Variants in KCND2 observed in about 807,000 individuals in gnomAD.
KCND2 encodes the protein potassium voltage-gated channel subfamily D member 2.
Under a neutral mutation model 54.4 loss-of-function variants are expected in KCND2, and 16 were observed. The ratio of observed to expected loss-of-function variants is 0.29; its 90% CI spans 0.20 to 0.45. KCND2 has a LOEUF of 0.45. Ranked by LOEUF, KCND2 falls within the 20% of genes least tolerant of loss-of-function variation. The pLI, the probability that KCND2 is intolerant of heterozygous loss-of-function variation, is 1.00. For synonymous variants in KCND2, 317 were observed against 310.7 expected (o/e 1.02, Z -0.21); for missense variants, 486 against 824.2 (o/e 0.59, Z 5.02).
At chr7:120,498,740 A>T (rs1802888768) in intron 1 of KCND2, among the ~76,000 whole-genome samples, 1 of 152,152 alleles carries the variant, frequency 6.6e-6, no homozygotes, top group African/African-American at 2.4e-5. Context: ...GTGCCACTGC[A>T]TTCCAGTCTG....
At chr7:120,455,147 C>T (rs1194339915) in intron 1 of KCND2, among the ~76,000 whole-genome samples, 1 of 151,846 alleles carries the variant, frequency 6.6e-6, no homozygotes, top group African/African-American at 2.4e-5. Context: ...TTTTATCAAA[C>T]TGTCAATTAC....
rs371605565 is a variant in KCND2, at chr7:120,722,072, A to T, written c.1116-10831A>T. On this transcript the variant is annotated intron_variant, in intron 1 of 5. Coordinates refer to ENST00000331113, the MANE Select transcript of KCND2 (RefSeq NM_012281.3). ...TCTTCTCCAGCCAGGTGGAACTGTG[A>T]GTCGATTAAATCTCCTTCCTTTATA... 2.0e-5 allele frequency among the ~76,000 whole-genome samples: 3 copies of T among 152,158 alleles called. No homozygotes were observed. The East Asian group carries it at 5.8e-4, about 29-fold the overall frequency.
chr7:120,734,387 G>A (rs576371601), intron 2 of KCND2, among the ~76,000 whole-genome samples: 34 of 152,134 alleles, frequency 2.2e-4, no homozygotes, highest in Admixed American at 1.3e-3. Context: ...AAACTCTGGC[G>A]TTAGTTACCA....
chr7:120,366,789 A>T (rs2116409226), intron 1 of KCND2, among the ~76,000 whole-genome samples: 1 of 152,224 alleles, frequency 6.6e-6, no homozygotes, highest in African/African-American at 2.4e-5. Flanking sequence ...ATTGGACCAA[A>T]TTATTTCTAA....
chr7:120,415,056 C>T (rs924211292), intron 1 of KCND2, among the ~76,000 whole-genome samples: 4 of 152,146 alleles, frequency 2.6e-5, no homozygotes, highest in East Asian at 1.9e-4. Context: ...GTCAGTGCAG[C>T]GTAGCTTAGC....
chr7:120,363,638 C>G (rs1800626903), intron 1 of KCND2, among the ~76,000 whole-genome samples: 2 of 152,222 alleles, frequency 1.3e-5, no homozygotes, highest in South Asian at 4.1e-4. Context: ...ACCCTTGCTC[C>G]TCTTGAACTG....
At chr7:120,529,855 G>A (rs1791821631) in intron 1 of KCND2, among the ~76,000 whole-genome samples, 1 of 152,104 alleles carries the variant, frequency 6.6e-6, no homozygotes, top group Non-Finnish European at 1.5e-5. Flanking sequence ...GGCCGAGGCA[G>A]GAGGATCACT....
At chr7:120,663,117 C>T (rs754805161) in intron 1 of KCND2, among the ~76,000 whole-genome samples, 13 of 152,070 alleles carry the variant, frequency 8.5e-5, no homozygotes, top group Non-Finnish European at 1.5e-4. Flanking sequence ...TACCATGTAG[C>T]GGTACATGGT....
chr7:120,394,100 G>T (rs1306135312), intron 1 of KCND2, among the ~76,000 whole-genome samples: 1 of 151,964 alleles, frequency 6.6e-6, no homozygotes, highest in Non-Finnish European at 1.5e-5. Context: ...CCTGCCTGCT[G>T]CATAGACAAA....
intron 1 of KCND2, among the ~76,000 whole-genome samples, chr7:120,711,828 A>G (rs1792541895): frequency 6.6e-6 from 1 of 152,196 alleles, no homozygotes; most frequent in Non-Finnish European, 1.5e-5. Context: ...GGTTCACCAA[A>G]GTCCATATTT....
chr7:120,496,757 T>C (rs956638179), intron 1 of KCND2, among the ~76,000 whole-genome samples: 3 of 152,148 alleles, frequency 2.0e-5, no homozygotes, highest in African/African-American at 7.2e-5. Flanking sequence ...ACTCATTGAT[T>C]GTGGCCTTTC....
At chr7:120,685,912 T>C (rs1280236922) in intron 1 of KCND2, among the ~76,000 whole-genome samples, 1 of 152,162 alleles carries the variant, frequency 6.6e-6, no homozygotes, top group East Asian at 1.9e-4. Flanking sequence ...TCTGCCTTTA[T>C]CTATGTCCCT....
rs531505495 is a variant in KCND2, at chr7:120,295,250, A to G, written c.1115+19503A>G. Among the ~76,000 whole-genome samples, 149 of 151,842 alleles carry G rather than the reference A, an allele frequency of 9.8e-4. 1 individual carries two copies. The highest frequency in any genetic ancestry group is 3.4e-3 in the African/African-American group (140 of 41,446). The stretch of plus-strand genomic sequence containing the variant: ...CTCTTCTTTCATTTATTCAGCAAAT[A>G]TTTGAGTGCCTACACTGGGCCATGT... On this transcript the variant is annotated intron_variant, in intron 1 of 5. Coordinates refer to ENST00000331113, the MANE Select transcript of KCND2 (RefSeq NM_012281.3).
intron 1 of KCND2, among the ~76,000 whole-genome samples, chr7:120,722,256 G>T (rs373512447): frequency 2.0e-5 from 3 of 152,132 alleles, no homozygotes; most frequent in Non-Finnish European, 4.4e-5. Flanking sequence ...AGGAACCCAG[G>T]CCCTACCTGG....
chr7:120,524,471 A>G (rs1791746487), intron 1 of KCND2, among the ~76,000 whole-genome samples: 1 of 152,168 alleles, frequency 6.6e-6, no homozygotes, highest in African/African-American at 2.4e-5. Context: ...TTTAGTCTTC[A>G]GACAGTATTA....
intron 1 of KCND2, among the ~76,000 whole-genome samples, chr7:120,679,995 G>C (rs1792119216): frequency 6.6e-6 from 1 of 152,046 alleles, no homozygotes; most frequent in East Asian, 1.9e-4. Flanking sequence ...GTTTAGACTT[G>C]AGTAGACATA....
chr7:120,422,701 G>A (rs987387863), intron 1 of KCND2, among the ~76,000 whole-genome samples: 3 of 152,044 alleles, frequency 2.0e-5, no homozygotes, highest in Admixed American at 2.0e-4. Flanking sequence ...GCTTTCTCTG[G>A]GCTTTCTCAC....
chr7:120,745,415 G>A lies in KCND2; in HGVS notation c.1468-365G>A, dbSNP rs535386079. ...AACCTTTTTAAAAAATAAAGTCAGT[G>A]GGAATTTCTAATTTCCCTGTGGGTT... is the stretch of plus-strand genomic sequence containing the variant. On this transcript the variant is annotated intron_variant, in intron 4 of 5. Coordinates refer to ENST00000331113, the MANE Select transcript of KCND2 (RefSeq NM_012281.3). Among the ~76,000 whole-genome samples, 3 of 151,436 alleles carry A rather than the reference G, an allele frequency of 2.0e-5. No individual in the cohort carries two copies. The South Asian group carries it at 6.3e-4, about 32-fold the overall frequency.
rs138930700 is a variant in KCND2, at chr7:120,512,614, C to T, written c.1116-220289C>T. Reference sequence around the variant, plus strand: ...CTCATTATGAAGAGAAATATGTAGACGGGTTCATTTAGGTAATCCTTTCTG... The same window carrying T: ...CTCATTATGAAGAGAAATATGTAGATGGGTTCATTTAGGTAATCCTTTCTG... On this transcript the variant is annotated intron_variant, in intron 1 of 5. Coordinates refer to ENST00000331113, the MANE Select transcript of KCND2 (RefSeq NM_012281.3). Among the ~76,000 whole-genome samples, 403 of 151,954 alleles carry T rather than the reference C, an allele frequency of 2.7e-3. 1 individual carries two copies. The highest frequency in any genetic ancestry group is 9.2e-3 in the African/African-American group (383 of 41,486).
Sources: allele counts gnomAD v4.1 joint callset (sites outside exome capture counted in the v4.1 genomes callset), GRCh38; gene constraint gnomAD v4.1.1; transcripts MANE v1.5; gene names NCBI Gene and HGNC (gene_info 2026-07-23, HGNC 2026-07-21).